CLUL1: variants seen among roughly 807,000 people sequenced by gnomAD.
CLUL1 encodes clusterin like 1.
A neutral mutation model predicts 49.4 loss-of-function variants in CLUL1; 43 were observed. That is an observed-to-expected ratio of 0.87 (90% CI 0.68 to 1.12). The LOEUF (loss-of-function observed/expected upper bound fraction) is 1.12, where lower values mean the gene tolerates loss of function less well. Among genes scored for constraint, CLUL1 ranks in the 50% most tolerant of loss-of-function variants. The pLI is 0.00. For synonymous variants in CLUL1, 192 were observed against 184.9 expected (o/e 1.04, Z -0.31); for missense variants, 486 against 544.4 (o/e 0.89, Z 1.07).
chr18:635,244 G>T (rs891023737), intron 7 of CLUL1, among the ~76,000 whole-genome samples: 6 of 152,174 alleles, frequency 3.9e-5, no homozygotes, highest in Non-Finnish European at 8.8e-5. Flanking sequence ...TGGGGCAGGG[G>T]GCACGTTTGG....
rs73364501 is a variant in CLUL1 at position 635,730 on chromosome 18, C to T, written c.994+2295C>T. Reference sequence around the variant, plus strand: ...AGTGAGCAAGTTGCAACAAATCGCGCCGTTCAGAGAAAAGGGAGGATGGAA... The same window carrying T: ...AGTGAGCAAGTTGCAACAAATCGCGTCGTTCAGAGAAAAGGGAGGATGGAA... On this transcript the variant is annotated intron_variant, in intron 7 of 9. Transcript: ENST00000692774. Among the ~76,000 whole-genome samples the T allele has an allele frequency of 2.4e-3, 368 of 152,150 alleles. 1 individual carries two copies. Among genetic ancestry groups the T allele is most frequent in the African/African-American group, 8.6e-3 (359 of 41,508 alleles).
intron 2 of CLUL1, chr18:613,132 C>T (rs1458409010): frequency 1.2e-5 from 4 of 346,976 alleles, no homozygotes; most frequent in Non-Finnish European, 1.9e-5. Flanking sequence ...GAAACTAAAA[C>T]AATTATTTTA....
chr18:613,114 T>G, intron 2 of CLUL1: 1 of 397,324 alleles, frequency 2.5e-6, no homozygotes, highest in Admixed American at 4.5e-5. Flanking sequence ...TTGCTACTTA[T>G]GTTATATGAA....
At chr18:622,857 C>T (rs994840401) in intron 4 of CLUL1, among the ~76,000 whole-genome samples, 20 of 152,068 alleles carry the variant, frequency 1.3e-4, no homozygotes, top group African/African-American at 4.3e-4. Flanking sequence ...TTCTTATTTG[C>T]AAATGAGGAG....
chr18:599,216 T>C (rs1250014987), intron 1 of CLUL1, among the ~76,000 whole-genome samples: 2 of 152,244 alleles, frequency 1.3e-5, no homozygotes, highest in African/African-American at 2.4e-5. Context: ...GTTGTTGTTG[T>C]TGTTTTTAAG....
At chr18:633,829 AATGAATCAGGGCGGAGCGTGTAATCGG>A (rs2074061617) in intron 7 of CLUL1, among the ~76,000 whole-genome samples, 1 of 116,096 alleles carries the variant, frequency 8.6e-6, no homozygotes, top group Non-Finnish European at 1.8e-5. Context: ...GTGTAATCGG[AATGAATCAGGGCGGAGCGTGTAATCGG>A]AATGAATCAG....
chr18:624,199 G>T (rs1012193335), intron 4 of CLUL1, among the ~76,000 whole-genome samples: 1 of 152,032 alleles, frequency 6.6e-6, no homozygotes, highest in African/African-American at 2.4e-5. Context: ...AGCACCACAA[G>T]GGGGAGCACT....
At chr18:640,211 C>T (rs1055805237) in intron 7 of CLUL1, among the ~76,000 whole-genome samples, 3 of 151,658 alleles carry the variant, frequency 2.0e-5, no homozygotes, top group Non-Finnish European at 2.9e-5. Flanking sequence ...TGAGAGGACA[C>T]GCAAGCCTGG....
intron 4 of CLUL1, among the ~76,000 whole-genome samples, chr18:619,668 A>G (rs2073426353): frequency 7.7e-6 from 1 of 129,204 alleles, no homozygotes; most frequent in East Asian, 2.8e-4. Flanking sequence ...GTATTTGAAG[A>G]GTTTTTTTTT....
At chr18:613,732 G>A (rs1426355813) in intron 2 of CLUL1, among the ~76,000 whole-genome samples, 1 of 152,156 alleles carries the variant, frequency 6.6e-6, no homozygotes, top group African/African-American at 2.4e-5. Context: ...GGGATTACAG[G>A]CCTGAGCCAC....
chr18:634,105 G>A lies in CLUL1; in HGVS notation c.994+670G>A, dbSNP rs186560926. ...TTTTGCAGGCTCATTTCCATCTGGG[G>A]GCGTTCAATGTAGGTTTATAAACTG... is the stretch of plus-strand genomic sequence containing the variant. On this transcript the variant is annotated intron_variant, in intron 7 of 9. Coordinates refer to ENST00000692774, the MANE Select transcript of CLUL1 (RefSeq NM_001393344.1). Among the ~76,000 whole-genome samples, 9 of 152,084 alleles carry A rather than the reference G, an allele frequency of 5.9e-5. No individual in the cohort carries two copies. The East Asian group carries it at 1.7e-3, about 30-fold the overall frequency.
chr18:601,870 T>C (rs2072841002), intron 1 of CLUL1, among the ~76,000 whole-genome samples: 1 of 152,028 alleles, frequency 6.6e-6, no homozygotes, highest in Non-Finnish European at 1.5e-5. Context: ...AAATTAGATA[T>C]ACCAAGAAAA....
intron 1 of CLUL1, among the ~76,000 whole-genome samples, chr18:603,587 C>A (rs562519032): frequency 6.6e-6 from 1 of 152,072 alleles, no homozygotes; most frequent in Admixed American, 6.6e-5. Flanking sequence ...ATTATAATAT[C>A]GAAAACAATC....
chr18:613,880 A>C (rs2073215506), intron 2 of CLUL1, among the ~76,000 whole-genome samples: 1 of 152,250 alleles, frequency 6.6e-6, no homozygotes, highest in Non-Finnish European at 1.5e-5. Flanking sequence ...AGCAAGATAG[A>C]GTAGCTGTAA....
At chr18:643,131 C>CA (rs11343887) in intron 8 of CLUL1, among the ~76,000 whole-genome samples, 1 of 152,022 alleles carries the variant, frequency 6.6e-6, no homozygotes, top group South Asian at 2.1e-4. Context: ...AAAAACCATA[C>CA]AAAAAATAGA....
At position 597,098 on chromosome 18, in the gene CLUL1, G is replaced by T. The variant is rs1264149248; in HGVS notation, c.-167G>T. On this transcript the variant is annotated 5_prime_UTR_variant, in exon 1 of 10. Coordinates refer to ENST00000692774, the MANE Select transcript of CLUL1 (RefSeq NM_001393344.1). ...GCCGGTGGCACAGACGCCTCCAGGG[G>T]GCAGCACTCAAGCGCATCTTAGGAA... 2 of 152,706 alleles carry T rather than the reference G, an allele frequency of 1.3e-5. No individual in the cohort carries two copies. The highest frequency in any genetic ancestry group is 2.4e-5 in the African/African-American group (1 of 41,452). 9.5% of individuals were successfully genotyped at this position (152,706 alleles called of 1,614,324 possible). A position where few individuals can be genotyped will look rare whatever the true frequency, so the allele number is the denominator to read the frequency against.
At chr18:625,055 G>A in intron 5 of CLUL1, 23 bp downstream of exon 5, 1 of 1,611,678 alleles carries the variant, frequency 6.2e-7, no homozygotes, top group Non-Finnish European at 8.5e-7. Flanking sequence ...GAGAGCTCAA[G>A]ATTTCACAGT....
At chr18:609,954 A>G (rs505171) in intron 2 of CLUL1, among the ~76,000 whole-genome samples, 111,360 of 152,100 alleles carry the variant, frequency 0.73, 41,256 homozygotes, top group Admixed American at 0.77. Flanking sequence ...GAGATATTCC[A>G]ATACTATATA....
At chr18:602,904 G>A (rs1249439819) in intron 1 of CLUL1, among the ~76,000 whole-genome samples, 1 of 152,234 alleles carries the variant, frequency 6.6e-6, no homozygotes, top group African/African-American at 2.4e-5. Context: ...TGGAAAAGGA[G>A]AGAGTGATAG....
Sources: allele counts gnomAD v4.1 joint callset (sites outside exome capture counted in the v4.1 genomes callset), GRCh38; gene constraint gnomAD v4.1.1; transcripts MANE v1.5; gene names NCBI Gene and HGNC (gene_info 2026-07-23, HGNC 2026-07-21).